Variants in CYP3A43 observed in about 807,000 individuals in gnomAD.
CYP3A43 encodes the protein cytochrome P450 3A43.
CYP3A43 carries 45 observed loss-of-function variants against 58.0 expected under a neutral mutation model. The ratio of observed to expected loss-of-function variants is 0.78; its 90% CI spans 0.61 to 0.99. The LOEUF (loss-of-function observed/expected upper bound fraction) is 0.99. CYP3A43 is among the 50% of genes least tolerant of loss of function. The pLI is 0.00. For synonymous variants in CYP3A43, 191 were observed against 201.4 expected (o/e 0.95, Z 0.44); for missense variants, 593 against 591.9 (o/e 1.00, Z -0.02).
chr7:99,849,915 C>G, intron 7 of CYP3A43: 1 of 588,778 alleles, frequency 1.7e-6, no homozygotes, highest in Non-Finnish European at 3.1e-6. Flanking sequence ...TCAGAAACCA[C>G]ATACCATTTA....
chr7:99,855,454 G>T, intron 7 of CYP3A43, 137 bp from the exon 8 acceptor site: 3 of 1,163,730 alleles, frequency 2.6e-6, no homozygotes, highest in Non-Finnish European at 3.5e-6. Flanking sequence ...CAGGAAGAGG[G>T]GCAAAGGTCA....
At chr7:99,861,544 T>C (rs1818231973) in intron 10 of CYP3A43, 69 bp from the exon 11 acceptor site, 2 of 1,342,100 alleles carry the variant, frequency 1.5e-6, no homozygotes, top group Non-Finnish European at 2.1e-6. Flanking sequence ...ACTTCAATAG[T>C]ACTGCATGGA....
intron 3 of CYP3A43, 88 bp downstream of exon 3, chr7:99,839,260 G>A: frequency 3.3e-6 from 5 of 1,508,374 alleles, no homozygotes; most frequent in Non-Finnish European, 4.6e-6. Flanking sequence ...CCCAGATTTT[G>A]TTTGGATAAT....
intron 7 of CYP3A43, among the ~76,000 whole-genome samples, chr7:99,853,848 G>A (rs1192215488): frequency 2.7e-5 from 4 of 149,848 alleles, no homozygotes; most frequent in South Asian, 2.1e-4. Flanking sequence ...GAGCCACCGC[G>A]CCCAGCCTTG....
chr7:99,848,372 G>A, intron 6 of CYP3A43, 118 bp downstream of exon 6: 7 of 1,054,502 alleles, frequency 6.6e-6, no homozygotes, highest in Non-Finnish European at 9.8e-6. Flanking sequence ...GGGCTGTGGT[G>A]TTGCAACTCC....
intron 7 of CYP3A43, among the ~76,000 whole-genome samples, chr7:99,854,289 C>G (rs1384551256): frequency 6.6e-6 from 1 of 151,154 alleles, no homozygotes; most frequent in Non-Finnish European, 1.5e-5. Flanking sequence ...TCACTGAAAC[C>G]TCTGCCTCCC....
intron 4 of CYP3A43, among the ~76,000 whole-genome samples, chr7:99,845,386 G>A (rs112862080): frequency 3.3e-5 from 5 of 151,826 alleles, no homozygotes; most frequent in East Asian, 1.9e-4. Context: ...GCAGTGGCGC[G>A]ATCTCAGTTC....
chr7:99,865,826 G>C lies in CYP3A43; in HGVS notation c.1417-80G>C, dbSNP rs1254798603. On this transcript the variant is annotated intron_variant, in intron 12 of 12. Coordinates refer to ENST00000354829, the MANE Select transcript of CYP3A43 (RefSeq NM_057095.3). The stretch of plus-strand genomic sequence containing the variant: ...TTAGTCATTGCAAAGCATTACCCTT[G>C]ATGTCATCTTTTTTATTTTGCTTCT... 2.4e-5 allele frequency: 24 copies of C among 984,332 alleles called. 5 individuals carry two copies. In the African/African-American group the frequency reaches 5.2e-4, roughly 21 times the overall value. 61.0% of individuals were successfully genotyped at this position (984,332 alleles called of 1,614,324 possible). A position where few individuals can be genotyped will look rare whatever the true frequency, so the allele number is the denominator to read the frequency against.
chr7:99,862,562 G>A (rs1355897759), intron 11 of CYP3A43, among the ~76,000 whole-genome samples: 2 of 152,212 alleles, frequency 1.3e-5, no homozygotes, highest in African/African-American at 2.4e-5. Flanking sequence ...CCTTGGAAGT[G>A]TTGGGCATGA....
At chr7:99,833,312 G>A (rs769255820) in intron 1 of CYP3A43, among the ~76,000 whole-genome samples, 1 of 151,310 alleles carries the variant, frequency 6.6e-6, no homozygotes, top group Admixed American at 6.5e-5. Context: ...TACCTTTTAA[G>A]CATTTCGTGG....
chr7:99,855,666 T>C lies in CYP3A43; in HGVS notation c.746T>C (p.Leu249Ser), dbSNP rs759645964. ...TTTCCAAAAGATGTTACCCATTTTTTAAAAAATTCCATTGAAAGGATGAAA... is the reference window on the plus strand; with the variant it reads ...TTTCCAAAAGATGTTACCCATTTTTCAAAAAATTCCATTGAAAGGATGAAA... Reference protein sequence around the residue: ...GLFPKDVTHFLKNSIERMKES... With the variant: ...GLFPKDVTHFSKNSIERMKES... The change falls in exon 8 of 13, where the codon TTA (leucine) becomes TCA (serine). Residue 249 changes from leucine (L) to serine (S), a missense_variant. Transcript: ENST00000354829. 1 of 1,613,168 alleles carries C rather than the reference T, an allele frequency of 6.2e-7. No individual in the cohort carries two copies. Among genetic ancestry groups the C allele is most frequent in the African/African-American group, 1.3e-5 (1 of 74,896 alleles).
At position 99,849,710 on chromosome 7, in the gene CYP3A43, T is replaced by C. The variant is rs1167302694; in HGVS notation, c.670+16T>C. 5 of 1,552,488 alleles carry C rather than the reference T, an allele frequency of 3.2e-6. No homozygotes were observed. The highest frequency in any genetic ancestry group is 3.4e-6 in the Non-Finnish European group (4 of 1,161,194). On this transcript the variant is annotated intron_variant, in intron 7 of 12. Coordinates refer to ENST00000354829, the MANE Select transcript of CYP3A43 (RefSeq NM_057095.3). Reference sequence around the variant, plus strand: ...CTCTTAATATGTATGTGGACTTTTATGTTATTTCTCTCTCTCTCTCTCTCT... The same window carrying C: ...CTCTTAATATGTATGTGGACTTTTACGTTATTTCTCTCTCTCTCTCTCTCT...
chr7:99,839,000 A>C, intron 2 of CYP3A43, 120 bp from the exon 3 acceptor site: 2 of 1,144,182 alleles, frequency 1.7e-6, no homozygotes, highest in Non-Finnish European at 2.6e-6. Context: ...TCTAACTGCC[A>C]GTAAATGGTA....
At chr7:99,834,441 C>T (rs796309296) in intron 1 of CYP3A43, among the ~76,000 whole-genome samples, 1 of 152,068 alleles carries the variant, frequency 6.6e-6, no homozygotes, top group Non-Finnish European at 1.5e-5. Context: ...AACTGGATAT[C>T]CTAAGAGTTC....
chr7:99,838,458 G>A (rs1396315360), intron 2 of CYP3A43, among the ~76,000 whole-genome samples: 4 of 152,134 alleles, frequency 2.6e-5, no homozygotes, highest in African/African-American at 7.2e-5. Context: ...CGTCAGCCTC[G>A]GTTTCTTCAT....
chr7:99,835,070 G>A (rs1817016271), intron 1 of CYP3A43, among the ~76,000 whole-genome samples: 1 of 152,208 alleles, frequency 6.6e-6, no homozygotes, highest in Non-Finnish European at 1.5e-5. Flanking sequence ...TGTGGGGTTG[G>A]ACACATCTGA....
intron 1 of CYP3A43, among the ~76,000 whole-genome samples, chr7:99,831,157 C>T (rs1313435204): frequency 6.6e-6 from 1 of 152,252 alleles, no homozygotes; most frequent in Non-Finnish European, 1.5e-5. Context: ...ACCAAGCTAA[C>T]AGCTGGGCCT....
intron 11 of CYP3A43, among the ~76,000 whole-genome samples, chr7:99,862,788 C>T (rs933009696): frequency 6.6e-6 from 1 of 152,192 alleles, no homozygotes; most frequent in African/African-American, 2.4e-5. Context: ...ACTGCTGGCA[C>T]AGACTCTGTA....
rs767482678 is a variant in CYP3A43, at chr7:99,849,678, C to T, written c.654C>T (p.Pro218=). 1 of 1,606,056 alleles carries T rather than the reference C, an allele frequency of 6.2e-7. No individual in the cohort carries two copies. The highest frequency in any genetic ancestry group is 8.5e-7 in the Non-Finnish European group (1 of 1,177,408). Residue 218 remains proline (P), a synonymous_variant, in exon 7 of 13, where the codon CCC becomes CCT. Transcript: ENST00000354829. The part of the protein sequence containing the change: ...KKLLKLDFLD[P]FLLLISLFPF... The stretch of plus-strand genomic sequence containing the variant: ...TTTTAAAATTGGATTTTTTGGATCC[C>T]TTTTTACTCTTAATATGTATGTGGA...
Sources: allele counts gnomAD v4.1 joint callset (sites outside exome capture counted in the v4.1 genomes callset), GRCh38; gene constraint gnomAD v4.1.1; transcripts MANE v1.5; gene names NCBI Gene and HGNC (gene_info 2026-07-23, HGNC 2026-07-21).